Variants in SUGCT observed in about 807,000 individuals in gnomAD.
SUGCT encodes succinyl-CoA:glutarate CoA-transferase.
SUGCT carries 41 observed loss-of-function variants against 55.0 expected under a neutral mutation model. The ratio of observed to expected loss-of-function variants is 0.74; its 90% CI spans 0.58 to 0.97. The LOEUF (loss-of-function observed/expected upper bound fraction) is 0.97, where lower values mean the gene tolerates loss of function less well. Among genes scored for constraint, SUGCT ranks in the 50% least tolerant of loss-of-function variants. The probability of loss-of-function intolerance (pLI) is 0.00; values close to 1 mark genes in which losing one functional copy is unlikely to be tolerated. For missense variants in SUGCT, 568 were observed against 547.8 expected (o/e 1.04, Z -0.37); for synonymous variants, 187 against 200.4 (o/e 0.93, Z 0.56).
intron 12 of SUGCT, among the ~76,000 whole-genome samples, chr7:40,618,963 C>T (rs1481926711): frequency 1.3e-5 from 2 of 152,168 alleles, no homozygotes; most frequent in African/African-American, 4.8e-5. Flanking sequence ...GGACACTCTC[C>T]TAATTAGAGC....
At chr7:41,013,877 A>G in the SUGCT span, among the ~76,000 whole-genome samples, 2 of 152,022 alleles carry the variant, frequency 1.3e-5, no homozygotes, top group Non-Finnish European at 2.9e-5. Flanking sequence ...TAGATATTAT[A>G]TGAAATTAGT....
In SUGCT at chr7:40,502,145, C is replaced by T. The variant is rs927928527; in HGVS notation, c.1089+5759C>T. 2.6e-5 allele frequency among the ~76,000 whole-genome samples: 4 copies of T among 152,036 alleles called. 1 individual carries two copies. Among genetic ancestry groups the T allele is most frequent in the South Asian group, 2.1e-4 (1 of 4,828 alleles). On this transcript the variant is annotated intron_variant, in intron 12 of 13. Transcript: ENST00000335693. ...CATTATTCTTTCTCTGTTTCTCGCT[C>T]TTTCTCTAGCATGTGCTATAGTTTA... is the stretch of plus-strand genomic sequence containing the variant.
chr7:40,212,270 A>G (rs1333972043), intron 6 of SUGCT, among the ~76,000 whole-genome samples: 4 of 151,922 alleles, frequency 2.6e-5, no homozygotes, highest in African/African-American at 9.7e-5. Flanking sequence ...AAAAAAAAAA[A>G]AGAAATTAGC....
At chr7:40,914,290 T>TA in the SUGCT span, among the ~76,000 whole-genome samples, 1 of 150,776 alleles carries the variant, frequency 6.6e-6, no homozygotes, top group African/African-American at 2.4e-5. Context: ...TTTTTTTTTT[T>TA]ATTATACTTT....
At chr7:40,447,777 G>A (rs1788928856) in intron 9 of SUGCT, among the ~76,000 whole-genome samples, 1 of 152,084 alleles carries the variant, frequency 6.6e-6, no homozygotes, top group African/African-American at 2.4e-5. Context: ...CCAGGAGTAA[G>A]TCCAGTCAAG....
At chr7:40,926,329 G>A in the SUGCT span, among the ~76,000 whole-genome samples, 3 of 151,794 alleles carry the variant, frequency 2.0e-5, no homozygotes, top group Non-Finnish European at 4.4e-5. Context: ...CTCTTTGTTT[G>A]GTGTTATTCA....
chr7:40,691,126 G>A (rs1040572571), intron 12 of SUGCT, among the ~76,000 whole-genome samples: 4 of 152,146 alleles, frequency 2.6e-5, no homozygotes, highest in African/African-American at 7.2e-5. Context: ...GAATGAAGAC[G>A]GATTCTATAG....
chr7:40,407,613 C>T (rs1786447283), intron 9 of SUGCT, among the ~76,000 whole-genome samples: 1 of 151,992 alleles, frequency 6.6e-6, no homozygotes, highest in African/African-American at 2.4e-5. Context: ...GAATGAACAG[C>T]ATTGACAATA....
At chr7:40,493,979 G>A (rs868748501) in intron 11 of SUGCT, among the ~76,000 whole-genome samples, 8 of 152,158 alleles carry the variant, frequency 5.3e-5, no homozygotes, top group Non-Finnish European at 8.8e-5. Context: ...ACGCAAAGAC[G>A]CAAACAGTGG....
At chr7:40,802,603 A>T (rs891815005) in intron 13 of SUGCT, among the ~76,000 whole-genome samples, 1 of 152,170 alleles carries the variant, frequency 6.6e-6, no homozygotes, top group Non-Finnish European at 1.5e-5. Flanking sequence ...GGTAGAACTG[A>T]AACCCAATGG....
intron 8 of SUGCT, among the ~76,000 whole-genome samples, chr7:40,288,271 G>A (rs1291166153): frequency 6.6e-6 from 1 of 151,568 alleles, no homozygotes; most frequent in Non-Finnish European, 1.5e-5. Context: ...TTATTGTTTG[G>A]TAGAATTCAT....
At chr7:40,300,989 G>A (rs1794500883) in intron 8 of SUGCT, among the ~76,000 whole-genome samples, 1 of 152,216 alleles carries the variant, frequency 6.6e-6, no homozygotes, top group Non-Finnish European at 1.5e-5. Flanking sequence ...GCAAGGAGGT[G>A]TGAAAATAAC....
At chr7:40,290,700 C>T (rs1261854134) in intron 8 of SUGCT, among the ~76,000 whole-genome samples, 1 of 152,046 alleles carries the variant, frequency 6.6e-6, no homozygotes. Context: ...AAAGAAACTA[C>T]CATCAGAGTG....
chr7:40,743,461 T>C (rs1273582688), intron 12 of SUGCT, among the ~76,000 whole-genome samples: 1 of 152,224 alleles, frequency 6.6e-6, no homozygotes. Flanking sequence ...TTCATGGCAC[T>C]GGGCATATAG....
chr7:40,934,127 A>G, the SUGCT span, among the ~76,000 whole-genome samples: 1 of 151,882 alleles, frequency 6.6e-6, no homozygotes, highest in Non-Finnish European at 1.5e-5. Flanking sequence ...TTTGGATTGG[A>G]TGTCCTTTTT....
intron 9 of SUGCT, among the ~76,000 whole-genome samples, chr7:40,377,219 T>C (rs1784634334): frequency 1.0e-4 from 1 of 9,540 alleles, no homozygotes; most frequent in African/African-American, 1.5e-4. Context: ...TTTTCTTTCT[T>C]TTCTTTCTTT....
chr7:40,877,867 G>A, the SUGCT span, among the ~76,000 whole-genome samples: 3 of 152,334 alleles, frequency 2.0e-5, no homozygotes, highest in South Asian at 6.2e-4. Flanking sequence ...ACGACATGGT[G>A]ACAAAACCAG....
At chr7:40,898,692 C>T in the SUGCT span, among the ~76,000 whole-genome samples, 6 of 151,440 alleles carry the variant, frequency 4.0e-5, no homozygotes, top group Admixed American at 1.3e-4. Context: ...CCGCGAGACT[C>T]CGTCTAAAAA....
chr7:40,832,581 T>G (rs1792740915), intron 13 of SUGCT, among the ~76,000 whole-genome samples: 1 of 142,264 alleles, frequency 7.0e-6, no homozygotes, highest in Non-Finnish European at 1.5e-5. Flanking sequence ...TTTTCCCGGA[T>G]GTGAGCACTC....
Sources: gnomAD v4.1 joint callset for allele counts (sites outside exome capture counted in the v4.1 genomes callset) on GRCh38, gnomAD v4.1.1 for gene constraint, MANE v1.5 for transcripts, NCBI Gene and HGNC (gene_info 2026-07-23, HGNC 2026-07-21) for gene names.